The following ZNF483 variants were observed in gnomAD, a reference collection of about 807,000 sequenced individuals.
The protein encoded by ZNF483 is zinc finger protein 483, also known as zinc finger protein HIT-10.
ZNF483 carries 9 observed loss-of-function variants against 28.6 expected under a neutral mutation model. The ratio of observed to expected loss-of-function variants is 0.32; its 90% CI spans 0.19 to 0.55. The LOEUF is 0.55. ZNF483 is among the 20% of genes least tolerant of loss of function. The pLI, the probability that ZNF483 is intolerant of heterozygous loss-of-function variation, is 0.93. For synonymous variants in ZNF483, 322 were observed against 306.2 expected (o/e 1.05, Z -0.54); for missense variants, 675 against 871.7 (o/e 0.77, Z 2.84).
intron 1 of ZNF483, among the ~76,000 whole-genome samples, 182 bp from the exon 2 acceptor site, chr9:111,527,086 G>A (rs1433824987): frequency 2.0e-5 from 3 of 151,636 alleles, no homozygotes; most frequent in African/African-American, 7.3e-5. Flanking sequence ...TGGGCACCAA[G>A]AGCGAAACTC....
rs750753098 is a variant in ZNF483 at position 111,554,357 on chromosome 9, C to G, written c.*11187C>G. Among the ~76,000 whole-genome samples the G allele has an allele frequency of 6.6e-6, 1 of 152,148 alleles. No homozygotes were observed. The highest frequency in any genetic ancestry group is 1.5e-5 in the Non-Finnish European group (1 of 68,018). On this transcript the variant is annotated 3_prime_UTR_variant, in exon 6 of 6. Transcript: ENST00000309235. ...CAGAGATCAATCATATAACCCTAACCTAACTTAAAGGGAGGCTTGAAATAC... is the reference window on the plus strand; with the variant it reads ...CAGAGATCAATCATATAACCCTAACGTAACTTAAAGGGAGGCTTGAAATAC...
intron 1 of ZNF483, among the ~76,000 whole-genome samples, chr9:111,526,713 G>A (rs189532428): frequency 1.6e-3 from 250 of 152,276 alleles, no homozygotes; most frequent in Middle Eastern, 3.4e-3. Flanking sequence ...GTCCCCTTGT[G>A]AACCTTTTCT....
At position 111,542,429 on chromosome 9, in the gene ZNF483, T is replaced by C. The variant is rs761136609; in HGVS notation, c.1494T>C (p.Asp498=). The C allele has an allele frequency of 6.2e-6, 10 of 1,614,004 alleles. No homozygotes were observed. The African/African-American group carries it at 1.1e-4, about 17-fold the overall frequency. ...GTGGAGAGAAACCCTTCAAATGTGA[T>C]GACTGTGGGAAAGGTTTCACCCTAA... The part of the protein sequence containing the change: ...THSGEKPFKC[D]DCGKGFTLSA... Residue 498 remains aspartate (D), a synonymous_variant, in exon 6 of 6, where the codon GAT becomes GAC. Transcript: ENST00000309235. This position sits in a 1 kb window ranked among gnomAD's most constrained non-coding sequence, Gnocchi z 6.2.
rs936526438 is a variant in ZNF483 at position 111,542,392 on chromosome 9, A to G, written c.1457A>G (p.His486Arg). The G allele has an allele frequency of 1.2e-6, 2 of 1,614,178 alleles. No individual in the cohort carries two copies. The highest frequency in any genetic ancestry group is 1.1e-5 in the South Asian group (1 of 91,078). The change falls in exon 6 of 6, where the codon CAT (histidine) becomes CGT (arginine). Residue 486 changes from histidine (H) to arginine (R), a missense_variant. By Grantham distance (29) the His-to-Arg change is conservative. Around this residue, in one of 6 missense-constraint regions of ZNF483, gnomAD observed 525 missense variants for 581.8 expected, o/e 0.90. Coordinates refer to ENST00000309235, the MANE Select transcript of ZNF483 (RefSeq NM_133464.5). This position sits in a 1 kb window ranked among gnomAD's most constrained non-coding sequence, Gnocchi z 6.2. The stretch of plus-strand genomic sequence containing the variant: ...GATAGTTCATCGCTCACACCACATC[A>G]TAGAACTCATAGTGGAGAGAAACCC... Reference protein sequence around the residue: ...FSDSSSLTPHHRTHSGEKPFK... With the variant: ...FSDSSSLTPHRRTHSGEKPFK...
chr9:111,570,026 C>A, intron 5 of ZNF483: 16 of 1,602,312 alleles, frequency 1.0e-5, no homozygotes, highest in Non-Finnish European at 1.4e-5. Flanking sequence ...AGAACAAAAG[C>A]CTTGAGAGGC....
In ZNF483 at chr9:111,576,542, G is replaced by T. The variant is rs902850895; in HGVS notation, c.*128G>T. 8.8e-6 allele frequency: 11 copies of T among 1,245,730 alleles called. No homozygotes were observed. In the African/African-American group the frequency reaches 8.9e-5, roughly 10 times the overall value. The allele number at this position is 1,245,730 out of a possible 1,614,324, so 77.2% of individuals were successfully genotyped here. ...TGGAGTATGAATCCCAACTCTGGGGGTATTAGCTAGTGGAGTGGCCATAGG... is the reference window on the plus strand; with the variant it reads ...TGGAGTATGAATCCCAACTCTGGGGTTATTAGCTAGTGGAGTGGCCATAGG... On this transcript the variant is annotated 3_prime_UTR_variant, in exon 6 of 6. Coordinates refer to the ZNF483 transcript ENST00000358151.
At chr9:111,558,947 C>T (rs143113036), downstream of ZNF483, among the ~76,000 whole-genome samples, 4 of 152,218 alleles carry the variant, frequency 2.6e-5, no homozygotes, top group African/African-American at 9.6e-5. Context: ...CTATCACCAC[C>T]ACTACCCCCT....
rs1000331823 is a variant in ZNF483 at position 111,562,164 on chromosome 9, C to T, written c.722-14201C>T. On this transcript the variant is annotated intron_variant, in intron 5 of 5. Coordinates refer to the ZNF483 transcript ENST00000358151. ...CTGGGATTACAAACGTGAGCCACCGCGCCCGGCCTATGCTGGTGTTTTAAA... is the reference window on the plus strand; with the variant it reads ...CTGGGATTACAAACGTGAGCCACCGTGCCCGGCCTATGCTGGTGTTTTAAA... Among the ~76,000 whole-genome samples, 4 of 152,074 alleles carry T rather than the reference C, an allele frequency of 2.6e-5. No individual in the cohort carries two copies. In the East Asian group the frequency reaches 5.8e-4, roughly 22 times the overall value.
intron 5 of ZNF483, among the ~76,000 whole-genome samples, chr9:111,541,290 C>T (rs917421330): frequency 1.5e-4 from 23 of 151,940 alleles, no homozygotes; most frequent in African/African-American, 4.1e-4. Flanking sequence ...GGGGTTTCAC[C>T]GTGTTAGCCA....
At chr9:111,532,409 G>T (rs978071906) in intron 3 of ZNF483, among the ~76,000 whole-genome samples, 3 of 152,204 alleles carry the variant, frequency 2.0e-5, no homozygotes, top group Non-Finnish European at 4.4e-5. Flanking sequence ...GTCCTTGCTA[G>T]AGAGGCAGGA....
chr9:111,559,374 C>T (rs1350624751), downstream of ZNF483, among the ~76,000 whole-genome samples: 1 of 152,020 alleles, frequency 6.6e-6, no homozygotes, highest in Non-Finnish European at 1.5e-5. Context: ...TTCCAATGCC[C>T]TTCTCACCCT....
chr9:111,532,316 G>A (rs1314897101), intron 3 of ZNF483, among the ~76,000 whole-genome samples: 1 of 152,110 alleles, frequency 6.6e-6, no homozygotes, highest in Admixed American at 6.5e-5. Context: ...GGGTAACAAA[G>A]TGAGACCCAG....
intron 5 of ZNF483, among the ~76,000 whole-genome samples, chr9:111,569,769 CAT>C (rs1589297875): frequency 6.6e-6 from 1 of 151,998 alleles, no homozygotes; most frequent in Non-Finnish European, 1.5e-5. Context: ...TGAAAAGCCT[CAT>C]ATGTGGGTTT....
At chr9:111,570,575 C>G (rs1021666362) in intron 5 of ZNF483, among the ~76,000 whole-genome samples, 5 of 151,562 alleles carry the variant, frequency 3.3e-5, no homozygotes, top group African/African-American at 1.2e-4. Flanking sequence ...TCGAGACCAG[C>G]CTGGCCAACA....
In ZNF483 at chr9:111,530,877, C is replaced by T. The variant is rs1464493969; in HGVS notation, c.415C>T (p.Pro139Ser). ...ACTGGTTTTCTCCCCTTTCCTAGAT[C>T]CAGTCTCTCAAGATTCTACTGTTTC... ...DLTQMLEEKD[P>S]VSQDSTVSQE... Residue 139 changes from proline to serine, a missense_variant and splice_region_variant, in exon 3 of 6, where the codon CCA becomes TCA. This residue lies in a region of ZNF483 where 525 missense variants were observed against 581.8 expected (regional missense o/e 0.90). Transcript: ENST00000309235. The T allele has an allele frequency of 7.6e-6, 11 of 1,439,758 alleles. No homozygotes were observed. The highest frequency in any genetic ancestry group is 1.0e-5 in the Non-Finnish European group (11 of 1,071,982). The allele number at this position is 1,439,758 out of a possible 1,614,324, so 89.2% of individuals were successfully genotyped here. A position where few individuals can be genotyped will look rare whatever the true frequency, so the allele number is the denominator to read the frequency against.
rs888905856 is a variant in ZNF483, at chr9:111,545,006, A to G, written c.*1836A>G. Among the ~76,000 whole-genome samples the G allele has an allele frequency of 6.6e-6, 1 of 152,214 alleles. No homozygotes were observed. Among genetic ancestry groups the G allele is most frequent in the Non-Finnish European group, 1.5e-5 (1 of 68,026 alleles). ...TAAAGCGATCCTTAATGCTAATCTT[A>G]GACTCAGGAACATTTACTGTGACTA... is the stretch of plus-strand genomic sequence containing the variant. On this transcript the variant is annotated 3_prime_UTR_variant, in exon 6 of 6. Coordinates refer to ENST00000309235, the MANE Select transcript of ZNF483 (RefSeq NM_133464.5).
Position 111,545,394 on chromosome 9 carries a change from G to T in ZNF483, c.*2224G>T, listed in dbSNP as rs550484635. 6.6e-6 allele frequency among the ~76,000 whole-genome samples: 1 copy of T among 152,080 alleles called. No individual in the cohort carries two copies. Among genetic ancestry groups the T allele is most frequent in the Admixed American group, 6.6e-5 (1 of 15,254 alleles). ...TATCCCAGTATCCATTGGGAATCTG[G>T]AGTATAAACTTTTTTTTTAAAGGAA... On this transcript the variant is annotated 3_prime_UTR_variant, in exon 6 of 6. Coordinates refer to ENST00000309235, the MANE Select transcript of ZNF483 (RefSeq NM_133464.5).
chr9:111,565,210 A>G (rs970080874), intron 5 of ZNF483, among the ~76,000 whole-genome samples: 12 of 152,202 alleles, frequency 7.9e-5, no homozygotes, highest in Non-Finnish European at 1.8e-4. Flanking sequence ...AGGTTAGGAC[A>G]TAGACACACA....
At chr9:111,567,837 C>T (rs1390239522) in intron 5 of ZNF483, among the ~76,000 whole-genome samples, 1 of 152,210 alleles carries the variant, frequency 6.6e-6, no homozygotes, top group Non-Finnish European at 1.5e-5. Context: ...AACGGAGGGA[C>T]TGGCTGGAGC....
Sources: gnomAD v4.1 joint callset for allele counts (sites outside exome capture counted in the v4.1 genomes callset) on GRCh38, gnomAD v4.1.1 for gene constraint, gnomAD v4.1.1 regional missense constraint, Gnocchi (gnomAD v3.1) non-coding constraint, MANE v1.5 for transcripts, NCBI Gene and HGNC (gene_info 2026-07-23, HGNC 2026-07-21) for gene names.